The following KIF16B variants were observed in gnomAD, a reference collection of about 807,000 sequenced individuals.
The protein encoded by KIF16B is kinesin-like protein KIF16B.
Under a neutral mutation model 156.3 loss-of-function variants are expected in KIF16B, and 98 were observed. The observed-to-expected ratio is 0.63, with a 90% confidence interval of 0.53 to 0.74. The LOEUF (loss-of-function observed/expected upper bound fraction) is 0.74. Ranked by LOEUF, KIF16B falls within the 30% of genes least tolerant of loss-of-function variation. KIF16B has a pLI of 0.00. For missense variants in KIF16B, 1,421 were observed against 1,606.5 expected (o/e 0.88, Z 1.97); for synonymous variants, 564 against 583.7 (o/e 0.97, Z 0.49).
chr20:16,565,610 C>G (rs2071224279), intron 1 of KIF16B, among the ~76,000 whole-genome samples: 1 of 152,214 alleles, frequency 6.6e-6, no homozygotes, highest in Admixed American at 6.5e-5. Context: ...TACCCTTTCT[C>G]TTTCTGCTTT....
intron 17 of KIF16B, chr20:16,382,223 A>G: frequency 1.4e-6 from 1 of 738,258 alleles, no homozygotes; most frequent in Non-Finnish European, 2.0e-6. Context: ...TCAGGAGAAA[A>G]GCAGTAAGGT....
intron 25 of KIF16B, among the ~76,000 whole-genome samples, chr20:16,289,005 G>A (rs2063273651): frequency 6.6e-6 from 1 of 151,688 alleles, no homozygotes; most frequent in Non-Finnish European, 1.5e-5. Context: ...CCCACGGCCA[G>A]TTGAAAATAC....
intron 25 of KIF16B, among the ~76,000 whole-genome samples, chr20:16,294,496 C>T (rs138922342): frequency 7.7e-4 from 117 of 152,320 alleles, no homozygotes; most frequent in African/African-American, 2.5e-3. Context: ...ACACAGAGCA[C>T]GTGCTTCTGA....
intron 17 of KIF16B, among the ~76,000 whole-genome samples, chr20:16,395,953 A>G (rs889282971): frequency 3.3e-5 from 5 of 152,192 alleles, no homozygotes; most frequent in Non-Finnish European, 5.9e-5. Context: ...CGAGAGCCTT[A>G]AAACTATATG....
At chr20:16,437,495 A>C (rs2066672902) in intron 12 of KIF16B, among the ~76,000 whole-genome samples, 1 of 152,190 alleles carries the variant, frequency 6.6e-6, no homozygotes, top group South Asian at 2.1e-4. Context: ...CAGAGTAAAA[A>C]GGGGGATGGG....
chr20:16,567,266 A>G (rs2071287542), intron 1 of KIF16B, among the ~76,000 whole-genome samples: 2 of 152,218 alleles, frequency 1.3e-5, no homozygotes, highest in African/African-American at 4.8e-5. Context: ...CAACTTCCAA[A>G]GAGTATCAGC....
At chr20:16,351,131 G>T (rs530385725) in intron 23 of KIF16B, among the ~76,000 whole-genome samples, 1 of 152,172 alleles carries the variant, frequency 6.6e-6, no homozygotes, top group South Asian at 2.1e-4. Context: ...CTCTTCTGCC[G>T]ATTACTTCCA....
chr20:16,525,089 T>C (rs890358262), intron 3 of KIF16B, among the ~76,000 whole-genome samples: 1 of 151,976 alleles, frequency 6.6e-6, no homozygotes, highest in Non-Finnish European at 1.5e-5. Context: ...GTCGGGTTGA[T>C]GGGTGCAGCA....
intron 3 of KIF16B, among the ~76,000 whole-genome samples, chr20:16,520,338 T>TG (rs572043972): frequency 5.3e-4 from 81 of 152,046 alleles, no homozygotes; most frequent in Middle Eastern, 3.4e-3. Context: ...TTGAGCTTAG[T>TG]GGGGGGAGGG....
chr20:16,412,223 G>C (rs1168240477), intron 15 of KIF16B, among the ~76,000 whole-genome samples: 1 of 151,974 alleles, frequency 6.6e-6, no homozygotes, highest in Non-Finnish European at 1.5e-5. Flanking sequence ...GAGACAAAAA[G>C]ACTAGAAAAC....
chr20:16,384,195 T>C (rs1466194527), intron 17 of KIF16B, among the ~76,000 whole-genome samples: 14 of 152,140 alleles, frequency 9.2e-5, no homozygotes, highest in Admixed American at 9.2e-4. Context: ...ACCTACTTTT[T>C]AAAAATTGAA....
intron 25 of KIF16B, among the ~76,000 whole-genome samples, chr20:16,295,758 T>C (rs958057834): frequency 4.0e-5 from 6 of 151,762 alleles, no homozygotes; most frequent in Non-Finnish European, 7.4e-5. Flanking sequence ...GGACGAGGAG[T>C]GTACTGAAGA....
intron 12 of KIF16B, among the ~76,000 whole-genome samples, chr20:16,434,901 G>T (rs1190313586): frequency 6.6e-6 from 1 of 152,110 alleles, no homozygotes; most frequent in African/African-American, 2.4e-5. Context: ...ATGTCTGGGG[G>T]CTGGGGGTTG....
chr20:16,284,543 G>A lies in KIF16B; in HGVS notation c.3796-11132C>T, dbSNP rs114817729. Among the ~76,000 whole-genome samples, 267 of 152,050 alleles carry A rather than the reference G, an allele frequency of 1.8e-3. 1 individual carries two copies. Among genetic ancestry groups the A allele is most frequent in the African/African-American group, 5.9e-3 (246 of 41,458 alleles). On this transcript the variant is annotated intron_variant, in intron 25 of 25. Transcript: ENST00000354981. ...TTTCACACTGACACTTCAAATCTCC[G>A]CTTCCTCTTCTGTTACCAGGCAGAA...
intron 17 of KIF16B, among the ~76,000 whole-genome samples, chr20:16,398,838 G>A (rs557284913): frequency 6.6e-6 from 1 of 152,312 alleles, no homozygotes; most frequent in South Asian, 2.1e-4. Flanking sequence ...ACCTGGGCAA[G>A]GGAGGGGAGT....
intron 12 of KIF16B, among the ~76,000 whole-genome samples, chr20:16,446,216 C>T (rs1341245985): frequency 2.6e-5 from 4 of 152,174 alleles, no homozygotes; most frequent in African/African-American, 7.2e-5. Flanking sequence ...CACTTCATTG[C>T]TAAAAGGTGA....
chr20:16,370,512 C>T, intron 22 of KIF16B, 74 bp downstream of exon 22: 4 of 1,230,286 alleles, frequency 3.3e-6, no homozygotes, highest in Non-Finnish European at 1.1e-6. Flanking sequence ...TGCAACTAGA[C>T]ATTAAGAAAA....
In KIF16B at chr20:16,293,890, C is replaced by T. The variant is rs563977212; in HGVS notation, c.3795+18445G>A. Among the ~76,000 whole-genome samples the T allele has an allele frequency of 1.6e-4, 24 of 151,574 alleles. No homozygotes were observed. The East Asian group carries it at 2.5e-3, about 16-fold the overall frequency. ...GCATGGGAGGACCAGGCAGGGAGGG[C>T]GAGTGTCCCTGAATATATGAGGAGA... On this transcript the variant is annotated intron_variant, in intron 25 of 25. Transcript: ENST00000354981.
intron 1 of KIF16B, among the ~76,000 whole-genome samples, chr20:16,570,173 C>A (rs777451783): frequency 1.3e-5 from 2 of 152,110 alleles, no homozygotes; most frequent in Non-Finnish European, 1.5e-5. Flanking sequence ...ATATTAAGGT[C>A]ACTTATGATT....
Sources: allele counts gnomAD v4.1 joint callset (sites outside exome capture counted in the v4.1 genomes callset), GRCh38; gene constraint gnomAD v4.1.1; transcripts MANE v1.5; gene names NCBI Gene and HGNC (gene_info 2026-07-23, HGNC 2026-07-21).